The following ATP11A variants were observed in gnomAD, a reference collection of about 807,000 sequenced individuals.
The protein encoded by ATP11A is phospholipid-transporting ATPase IH.
A neutral mutation model predicts 154.4 loss-of-function variants in ATP11A; 81 were observed. The ratio of observed to expected loss-of-function variants is 0.52; its 90% CI spans 0.44 to 0.63. The LOEUF (loss-of-function observed/expected upper bound fraction) is 0.63. ATP11A is among the 30% of genes least tolerant of loss of function. The pLI is 0.00. For missense variants in ATP11A, 1,316 were observed against 1,474.3 expected (o/e 0.89, Z 1.76); for synonymous variants, 623 against 585.9 (o/e 1.06, Z -0.91).
intron 1 of ATP11A, among the ~76,000 whole-genome samples, chr13:112,778,201 G>A (rs2077394827): frequency 6.6e-6 from 1 of 152,230 alleles, no homozygotes; most frequent in African/African-American, 2.4e-5. Context: ...AAGCTCACCG[G>A]AGGCCCCAAG....
intron 28 of ATP11A, 98 bp downstream of exon 28, chr13:112,876,039 T>G (rs1035803207): frequency 9.3e-6 from 13 of 1,393,616 alleles, no homozygotes; most frequent in Non-Finnish European, 1.2e-5. Flanking sequence ...GGTTTGGATT[T>G]CATGAAACGT....
Position 112,697,740 on chromosome 13 carries a change from T to G in ATP11A, c.39+7285T>G, listed in dbSNP as rs1886047407. Among the ~76,000 whole-genome samples the G allele has an allele frequency of 6.7e-6, 1 of 149,254 alleles. No individual in the cohort carries two copies. Among genetic ancestry groups the G allele is most frequent in the African/African-American group, 2.5e-5 (1 of 40,204 alleles). On this transcript the variant is annotated intron_variant, in intron 1 of 29. Coordinates refer to ENST00000375645, the MANE Select transcript of ATP11A (RefSeq NM_015205.3). This position sits in a 1 kb window ranked among gnomAD's most constrained non-coding sequence, Gnocchi z 4.0. ...GACGCCCGGCCAGTTTTTTTTTTTT[T>G]TTTTTTTTTTTTTAGTAGAGATGGG...
chr13:112,706,663 A>G (rs1887175120), intron 1 of ATP11A, among the ~76,000 whole-genome samples: 1 of 152,240 alleles, frequency 6.6e-6, no homozygotes, highest in African/African-American at 2.4e-5. Context: ...GGTTCTGTGA[A>G]AAACAATTCC....
At chr13:112,711,166 G>A (rs71446622) in intron 1 of ATP11A, among the ~76,000 whole-genome samples, 12,073 of 152,260 alleles carry the variant, frequency 0.079, 522 homozygotes, top group Middle Eastern at 0.12. Flanking sequence ...CGGCTCTTCC[G>A]ACTTTTCATC....
chr13:112,727,928 A>AACTCAG (rs1890051208), intron 1 of ATP11A, among the ~76,000 whole-genome samples: 1 of 152,230 alleles, frequency 6.6e-6, no homozygotes, highest in Non-Finnish European at 1.5e-5. Flanking sequence ...TGTAACTCAG[A>AACTCAG]ACTCAGAGTG....
intron 2 of ATP11A, among the ~76,000 whole-genome samples, chr13:112,793,442 AT>A (rs1406718243): frequency 1.3e-5 from 2 of 152,176 alleles, no homozygotes; most frequent in African/African-American, 4.8e-5. Context: ...ACCTCAGGTG[AT>A]TCACCCGCCT....
intron 2 of ATP11A, among the ~76,000 whole-genome samples, chr13:112,803,788 C>CTT (rs2078209595): frequency 1.9e-5 from 2 of 106,216 alleles, no homozygotes; most frequent in East Asian, 2.9e-4. Context: ...CCCTCCCCTC[C>CTT]CTGCCTTACT....
intron 8 of ATP11A, among the ~76,000 whole-genome samples, chr13:112,821,602 C>T (rs1419321773): frequency 6.6e-6 from 1 of 152,156 alleles, no homozygotes; most frequent in Non-Finnish European, 1.5e-5. Context: ...TGAGCCACCG[C>T]GCCTGGCCTA....
rs1349150330 is a variant in ATP11A, at chr13:112,825,431, T to A, written c.874T>A (p.Ser292Thr). The A allele has an allele frequency of 5.0e-6, 8 of 1,608,522 alleles. No individual in the cohort carries two copies. Among genetic ancestry groups the A allele is most frequent in the Non-Finnish European group, 6.8e-6 (8 of 1,177,234 alleles). Residue 292 changes from serine to threonine, a missense_variant and splice_region_variant, in exon 11 of 30, where the codon TCG becomes ACG. Physicochemically the swap from Ser to Thr is moderately conservative, Grantham distance 58 (BLOSUM62 1). Transcript: ENST00000375645. ...KSQKRSAVEK[S>T]MNAFLIVYLC... Reference sequence around the variant, plus strand: ...ATCACCTCTGTCCTTTTGTTTTAGATCGATGAATGCGTTCCTCATTGTGTA... The same window carrying A: ...ATCACCTCTGTCCTTTTGTTTTAGAACGATGAATGCGTTCCTCATTGTGTA...
Position 112,825,548 on chromosome 13 carries a change from C to G in ATP11A, c.991C>G (p.Gln331Glu). 1 of 1,613,724 alleles carries G rather than the reference C, an allele frequency of 6.2e-7. No homozygotes were observed. The highest frequency in any genetic ancestry group is 1.1e-5 in the South Asian group (1 of 91,020). Reference protein sequence around the residue: ...EPFRDEPWYNQKTESERQRNL... With the variant: ...EPFRDEPWYNEKTESERQRNL... ...CTTTCGGGATGAGCCGTGGTATAATCAGAAAACGGAGTCGGAAAGGCAGAG... is the reference window on the plus strand; with the variant it reads ...CTTTCGGGATGAGCCGTGGTATAATGAGAAAACGGAGTCGGAAAGGCAGAG... Residue 331 changes from glutamine to glutamate, a missense_variant, in exon 11 of 30, where the codon CAG becomes GAG. By Grantham distance (29) the Gln-to-Glu change is conservative. Transcript: ENST00000375645.
At chr13:112,881,420 T>C in intron 29 of ATP11A, 3 of 1,041,930 alleles carry the variant, frequency 2.9e-6, no homozygotes, top group Non-Finnish European at 3.5e-6. Context: ...TGAGTTCGCC[T>C]TTTGTTCAAG....
At chr13:112,740,148 C>CTATATATA (rs59104065) in intron 1 of ATP11A, among the ~76,000 whole-genome samples, 3 of 137,902 alleles carry the variant, frequency 2.2e-5, no homozygotes, top group East Asian at 4.3e-4. Context: ...CTCTCTCTCT[C>CTATATATA]TATATATATA....
chr13:112,739,494 G>A (rs1891318183), intron 1 of ATP11A, among the ~76,000 whole-genome samples: 1 of 152,260 alleles, frequency 6.6e-6, no homozygotes, highest in Non-Finnish European at 1.5e-5. Context: ...ATGTAGAGGA[G>A]TTGGAAGTCT....
At chr13:112,816,879 A>G (rs562545794) in intron 6 of ATP11A, among the ~76,000 whole-genome samples, 2 of 152,312 alleles carry the variant, frequency 1.3e-5, no homozygotes, top group East Asian at 3.9e-4. Context: ...AATTTTAAGA[A>G]TTTTCATTTT....
chr13:112,805,740 GAGT>G (rs2078305539), intron 3 of ATP11A, among the ~76,000 whole-genome samples: 1 of 150,848 alleles, frequency 6.6e-6, no homozygotes, highest in Non-Finnish European at 1.5e-5. Context: ...CATGAAAAGA[GAGT>G]TTAAAGGAAA....
chr13:112,793,929 G>A (rs2077929087), intron 2 of ATP11A, among the ~76,000 whole-genome samples: 1 of 152,370 alleles, frequency 6.6e-6, no homozygotes, highest in Non-Finnish European at 1.5e-5. Context: ...AGGGGCAGGA[G>A]GCAGCGGAAA....
intron 2 of ATP11A, among the ~76,000 whole-genome samples, chr13:112,795,254 A>G (rs568507358): frequency 2.6e-5 from 4 of 152,368 alleles, no homozygotes; most frequent in South Asian, 4.1e-4. Flanking sequence ...CAAAATAAAT[A>G]AATAAATAAG....
chr13:112,804,840 T>A (rs2140137539), intron 2 of ATP11A, 117 bp from the exon 3 acceptor site: 1 of 558,778 alleles, frequency 1.8e-6, no homozygotes, highest in Admixed American at 3.8e-5. Flanking sequence ...ATGAGTTTTA[T>A]ATCTAAAGCT....
chr13:112,881,560 CA>C, intron 29 of ATP11A: 8 of 1,151,754 alleles, frequency 6.9e-6, no homozygotes, highest in African/African-American at 3.2e-5. Context: ...GATGGTGGGA[CA>C]GGGGGACGGT....
Sources: gnomAD v4.1 joint callset for allele counts (sites outside exome capture counted in the v4.1 genomes callset) on GRCh38, gnomAD v4.1.1 for gene constraint, Gnocchi (gnomAD v3.1) non-coding constraint, MANE v1.5 for transcripts, NCBI Gene and HGNC (gene_info 2026-07-23, HGNC 2026-07-21) for gene names.